The following UBE2E1 variants were observed in gnomAD, a reference collection of about 807,000 sequenced individuals.
UBE2E1 encodes ubiquitin conjugating enzyme E2 E1.
In UBE2E1, 6 loss-of-function variants were observed where a neutral mutation model predicts 21.4. The observed-to-expected ratio is 0.28, with a 90% CI of 0.15 to 0.55. The LOEUF is 0.55. UBE2E1 is among the 20% of genes least tolerant of loss of function. The pLI, the probability that UBE2E1 is intolerant of heterozygous loss-of-function variation, is 0.93. For synonymous variants in UBE2E1, 87 were observed against 82.7 expected, an observed-to-expected ratio of 1.05 and a Z score of -0.28; for missense variants, 142 against 236.5, an observed-to-expected ratio of 0.60 and a Z score of 2.62.
intron 3 of UBE2E1, among the ~76,000 whole-genome samples, chr3:23,857,608 T>G (rs931507780): frequency 6.6e-6 from 1 of 152,230 alleles, no homozygotes; most frequent in African/African-American, 2.4e-5. Context: ...ATACAGAAGT[T>G]TCACTTCTCC....
intron 4 of UBE2E1, among the ~76,000 whole-genome samples, chr3:23,888,072 TGTTTGAGCCCAAGA>T (rs1195857130): frequency 6.6e-6 from 1 of 152,156 alleles, no homozygotes; most frequent in Admixed American, 6.5e-5. Flanking sequence ...TTGGGAGGAT[TGTTTGAGCCCAAGA>T]GTTTGAGTCC....
At chr3:23,831,541 T>C (rs1463995939) in intron 3 of UBE2E1, among the ~76,000 whole-genome samples, 1 of 136,762 alleles carries the variant, frequency 7.3e-6, no homozygotes, top group Non-Finnish European at 1.6e-5. Context: ...TTTCGAGACA[T>C]GGTCCCACTC....
At chr3:23,852,278 A>G (rs961940138) in intron 3 of UBE2E1, among the ~76,000 whole-genome samples, 1 of 152,134 alleles carries the variant, frequency 6.6e-6, no homozygotes, top group African/African-American at 2.4e-5. Context: ...AGTTATTTAT[A>G]TTTCCCTTAA....
chr3:23,882,354 T>C (rs1365300481), intron 3 of UBE2E1, among the ~76,000 whole-genome samples: 1 of 152,210 alleles, frequency 6.6e-6, no homozygotes, highest in Admixed American at 6.5e-5. Flanking sequence ...CACTGATTGG[T>C]GCATTTACAA....
rs1250016881 is a variant in UBE2E1, at chr3:23,853,997, C to A, written c.204-33570C>A. ...TCTTGGTCAGGCATGGTGGCTCATG[C>A]CTGTAATCCCAGCACTTTGGGAGAC... On this transcript the variant is annotated intron_variant, in intron 3 of 5. Coordinates refer to ENST00000306627, the MANE Select transcript of UBE2E1 (RefSeq NM_003341.5). The surrounding 1 kb of genome is among the most constrained non-coding windows in gnomAD (Gnocchi z 4.1). 6.6e-6 allele frequency among the ~76,000 whole-genome samples: 1 copy of A among 152,160 alleles called. No individual in the cohort carries two copies. Among genetic ancestry groups the A allele is most frequent in the Non-Finnish European group, 1.5e-5 (1 of 68,032 alleles).
At chr3:23,807,151 C>CA (rs1699296572) in intron 1 of UBE2E1, 86 bp from the exon 2 acceptor site, 1 of 1,203,544 alleles carries the variant, frequency 8.3e-7, no homozygotes, top group Non-Finnish European at 1.1e-6. Flanking sequence ...CGCCCCTGGT[C>CA]AATGCCCTCC....
chr3:23,811,918 T>G (rs73050577), intron 3 of UBE2E1, among the ~76,000 whole-genome samples: 1,827 of 152,300 alleles, frequency 0.012, 35 homozygotes, highest in Non-Finnish European at 0.015. Flanking sequence ...AACATTAGAG[T>G]TAAACACTGG....
intron 2 of UBE2E1, 90 bp from the exon 3 acceptor site, chr3:23,811,370 A>T: frequency 8.2e-7 from 1 of 1,213,372 alleles, no homozygotes; most frequent in South Asian, 1.2e-5. Flanking sequence ...GATCGCGCTT[A>T]GGTTTATCTG....
In UBE2E1 at chr3:23,812,086, A is replaced by G. The variant is rs149338562; in HGVS notation, c.203+576A>G. 8.5e-5 allele frequency among the ~76,000 whole-genome samples: 13 copies of G among 152,238 alleles called. No individual in the cohort carries two copies. In the East Asian group the frequency reaches 2.3e-3, roughly 27 times the overall value. On this transcript the variant is annotated intron_variant, in intron 3 of 5. Transcript: ENST00000306627. ...CACTTGCTTTATTCAGACTGTATAC[A>G]TATGTGTGTTTCAGTTTCAAAACAA...
intron 3 of UBE2E1, among the ~76,000 whole-genome samples, chr3:23,824,616 G>C (rs1387272242): frequency 6.6e-6 from 1 of 152,206 alleles, no homozygotes; most frequent in Non-Finnish European, 1.5e-5. Context: ...GGAGCATTAG[G>C]TTTGAGGATG....
At chr3:23,811,663 A>G (rs531666522) in intron 3 of UBE2E1, among the ~76,000 whole-genome samples, 153 bp downstream of exon 3, 1 of 152,322 alleles carries the variant, frequency 6.6e-6, no homozygotes, top group African/African-American at 2.4e-5. Flanking sequence ...TAACCTGAGT[A>G]TAATGTTTTG....
At chr3:23,813,095 C>T (rs529682821) in intron 3 of UBE2E1, among the ~76,000 whole-genome samples, 4 of 151,888 alleles carry the variant, frequency 2.6e-5, no homozygotes, top group African/African-American at 9.7e-5. Context: ...ACTTTTTTAT[C>T]TTTGGGAAAC....
chr3:23,827,035 A>G (rs534598339), intron 3 of UBE2E1, among the ~76,000 whole-genome samples: 15 of 152,254 alleles, frequency 9.9e-5, no homozygotes, highest in African/African-American at 3.4e-4. Flanking sequence ...TCTCCCCACT[A>G]ATAAACAGCT....
intron 3 of UBE2E1, among the ~76,000 whole-genome samples, chr3:23,878,741 A>G (rs1418095583): frequency 6.6e-6 from 1 of 152,188 alleles, no homozygotes; most frequent in African/African-American, 2.4e-5. Flanking sequence ...ACTGTCACCC[A>G]TCACCCCCAC....
At chr3:23,862,098 C>A (rs970621837) in intron 3 of UBE2E1, among the ~76,000 whole-genome samples, 13 of 152,208 alleles carry the variant, frequency 8.5e-5, no homozygotes, top group African/African-American at 3.1e-4. Flanking sequence ...CTGTATGCTC[C>A]CCTAGAGGTT....
intron 3 of UBE2E1, among the ~76,000 whole-genome samples, chr3:23,849,437 C>T (rs1700275811): frequency 6.6e-6 from 1 of 152,126 alleles, no homozygotes; most frequent in South Asian, 2.1e-4. Flanking sequence ...TTTGCTGCAC[C>T]TATCAACCTG....
intron 3 of UBE2E1, among the ~76,000 whole-genome samples, chr3:23,879,699 G>A (rs1700992771): frequency 1.3e-5 from 2 of 152,228 alleles, no homozygotes; most frequent in Admixed American, 1.3e-4. Context: ...AGGGCACCAG[G>A]TGGGTGCTGT....
At chr3:23,821,755 C>T (rs1200745098) in intron 3 of UBE2E1, among the ~76,000 whole-genome samples, 1 of 152,018 alleles carries the variant, frequency 6.6e-6, no homozygotes, top group Non-Finnish European at 1.5e-5. Flanking sequence ...TAGAATAGGG[C>T]CGTAGGGCGC....
At chr3:23,819,275 C>T (rs1006701019) in intron 3 of UBE2E1, among the ~76,000 whole-genome samples, 5 of 151,956 alleles carry the variant, frequency 3.3e-5, no homozygotes, top group African/African-American at 7.3e-5. Flanking sequence ...CAGAGCGAGA[C>T]GCCATCTCAA....
Sources: gnomAD v4.1 joint callset for allele counts (sites outside exome capture counted in the v4.1 genomes callset) on GRCh38, gnomAD v4.1.1 for gene constraint, Gnocchi (gnomAD v3.1) non-coding constraint, MANE v1.5 for transcripts, NCBI Gene and HGNC (gene_info 2026-07-23, HGNC 2026-07-21) for gene names.